The following SLAMF7 variants were observed in gnomAD, a reference collection of about 807,000 sequenced individuals.
SLAMF7 encodes SLAM family member 7.
SLAMF7 carries 26 observed loss-of-function variants against 34.1 expected under a neutral mutation model. That is an observed-to-expected ratio of 0.76 (90% CI 0.56 to 1.06). The LOEUF (loss-of-function observed/expected upper bound fraction) is 1.06. SLAMF7 is among the 50% of genes least tolerant of loss of function. The pLI, the probability that SLAMF7 is intolerant of heterozygous loss-of-function variation, is 0.00. For synonymous variants in SLAMF7, 171 were observed against 156.4 expected (o/e 1.09, Z -0.70); for missense variants, 399 against 402.5 (o/e 0.99, Z 0.07).
chr1:160,748,387 C>T lies in SLAMF7; in HGVS notation c.249C>T (p.Phe83=). Residue 83 remains phenylalanine, a synonymous_variant, in exon 2 of 7, where the codon TTC becomes TTT. Transcript: ENST00000368043. The part of the protein sequence containing the change: ...TQNRNRERVD[F]PDGGYSLKLS... ...ATCGTAATAGGGAGAGAGTAGACTT[C>T]CCAGATGGAGGCTACTCCCTGAAGC... 1 of 1,614,054 alleles carries T rather than the reference C, an allele frequency of 6.2e-7. No individual in the cohort carries two copies. The highest frequency in any genetic ancestry group is 8.5e-7 in the Non-Finnish European group (1 of 1,179,970).
At chr1:160,740,955 C>T (rs535622) in intron 1 of SLAMF7, among the ~76,000 whole-genome samples, 42,485 of 152,064 alleles carry the variant, frequency 0.28, 7,587 homozygotes, top group East Asian at 0.59. Flanking sequence ...CATAACAAGC[C>T]GTCTATCACT....
At chr1:160,741,983 A>G (rs1663784033) in intron 1 of SLAMF7, among the ~76,000 whole-genome samples, 1 of 152,144 alleles carries the variant, frequency 6.6e-6, no homozygotes, top group Admixed American at 6.5e-5. Flanking sequence ...ATTTGGACAG[A>G]GGCACCAAGT....
intron 1 of SLAMF7, among the ~76,000 whole-genome samples, chr1:160,747,564 C>T (rs181183898): frequency 9.9e-5 from 15 of 152,222 alleles, no homozygotes; most frequent in African/African-American, 3.4e-4. Flanking sequence ...CCTGGACTCC[C>T]AGCTACTCAG....
At chr1:160,740,022 C>T (rs1663602881) in intron 1 of SLAMF7, among the ~76,000 whole-genome samples, 1 of 152,038 alleles carries the variant, frequency 6.6e-6, no homozygotes, top group Non-Finnish European at 1.5e-5. Flanking sequence ...TGAGAAATAT[C>T]TCTTCTGTCA....
At chr1:160,741,582 G>T (rs1207999949) in intron 1 of SLAMF7, among the ~76,000 whole-genome samples, 2 of 151,930 alleles carry the variant, frequency 1.3e-5, no homozygotes, top group African/African-American at 4.8e-5. Flanking sequence ...TAAATCCATG[G>T]TTTCCTTTTA....
At chr1:160,739,102 G>A (rs563163477), upstream of SLAMF7, 4 of 615,594 alleles carry the variant, frequency 6.5e-6, 1 homozygote, top group East Asian at 5.8e-5. Flanking sequence ...ATGAAGATGG[G>A]GAGCAAATAG....
chr1:160,750,584 C>T, intron 4 of SLAMF7, 161 bp downstream of exon 4: 1 of 813,004 alleles, frequency 1.2e-6, no homozygotes, highest in Non-Finnish European at 1.9e-6. Flanking sequence ...TACAGTCAGC[C>T]TGTGCTCCTT....
Position 160,747,943 on chromosome 1 carries a change from T to A in SLAMF7, c.56-251T>A, listed in dbSNP as rs111265864. Reference sequence around the variant, plus strand: ...CCACATAATCAGTGATGATTTTTTATAAGTCATACTCTCTGGGAGTGAACT... The same window carrying A: ...CCACATAATCAGTGATGATTTTTTAAAAGTCATACTCTCTGGGAGTGAACT... On this transcript the variant is annotated intron_variant, in intron 1 of 6. Transcript: ENST00000368043. 3.6e-3 allele frequency among the ~76,000 whole-genome samples: 545 copies of A among 152,312 alleles called. 4 individuals carry two copies. The highest frequency in any genetic ancestry group is 0.013 in the African/African-American group (521 of 41,554).
chr1:160,746,902 G>A (rs1334913006), intron 1 of SLAMF7, among the ~76,000 whole-genome samples: 3 of 152,178 alleles, frequency 2.0e-5, no homozygotes, highest in Admixed American at 6.5e-5. Flanking sequence ...TGTCTCATTA[G>A]CATCTTAAAT....
intron 5 of SLAMF7, 22 bp downstream of exon 5, chr1:160,751,470 C>G (rs1247224722): frequency 6.4e-7 from 1 of 1,566,038 alleles, no homozygotes; most frequent in Non-Finnish European, 8.8e-7. Flanking sequence ...CTCATCTTTC[C>G]TGAGAACTGA....
intron 2 of SLAMF7, 64 bp downstream of exon 2, chr1:160,748,578 A>T: frequency 6.9e-7 from 1 of 1,448,806 alleles, no homozygotes; most frequent in Non-Finnish European, 9.5e-7. Flanking sequence ...CCTTGACATG[A>T]GAGATGTTTA....
Position 160,751,466 on chromosome 1 carries a change from T to C in SLAMF7, c.873+18T>C, listed in dbSNP as rs1664577872. On this transcript the variant is annotated intron_variant, in intron 5 of 6. Transcript: ENST00000368043. ...ACACTAATGTGAGTCCCTTCTCATC[T>C]TTCCTGAGAACTGATCCTGTCTCTG... 6.3e-7 allele frequency: 1 copy of C among 1,580,136 alleles called. No homozygotes were observed. The highest frequency in any genetic ancestry group is 1.1e-5 in the South Asian group (1 of 90,416).
chr1:160,741,991 A>T (rs1295052055), intron 1 of SLAMF7, among the ~76,000 whole-genome samples: 2 of 152,118 alleles, frequency 1.3e-5, no homozygotes, highest in Non-Finnish European at 2.9e-5. Context: ...AGAGGCACCA[A>T]GTGTTCAGAG....
intron 1 of SLAMF7, 174 bp downstream of exon 1, chr1:160,739,530 A>G: frequency 1.8e-6 from 1 of 569,596 alleles, no homozygotes; most frequent in Admixed American, 3.6e-5. Context: ...GAGACTAGAG[A>G]GAGGGGGAAA....
intron 1 of SLAMF7, among the ~76,000 whole-genome samples, chr1:160,742,650 C>A (rs1271605097): frequency 6.6e-6 from 1 of 152,196 alleles, no homozygotes; most frequent in East Asian, 1.9e-4. Flanking sequence ...TTATTTATTT[C>A]TCGTATGAGG....
Position 160,752,257 on chromosome 1 carries a change from C to A in SLAMF7, c.936+9C>A. On this transcript the variant is annotated intron_variant, in intron 6 of 6. Transcript: ENST00000368043. ...TGGAAATACCGAAAAAGGTAAGAAG[C>A]TTTAGAGCTTAACTTCATCTTAATG... 2 of 1,609,052 alleles carry A rather than the reference C, an allele frequency of 1.2e-6. No individual in the cohort carries two copies. Among genetic ancestry groups the A allele is most frequent in the Non-Finnish European group, 1.7e-6 (2 of 1,175,762 alleles).
At chr1:160,746,485 A>G (rs576278364) in intron 1 of SLAMF7, among the ~76,000 whole-genome samples, 1 of 152,300 alleles carries the variant, frequency 6.6e-6, no homozygotes, top group South Asian at 2.1e-4. Flanking sequence ...CTGACACTTT[A>G]TGTTAAGAGG....
chr1:160,742,307 G>T (rs1663810476), intron 1 of SLAMF7, among the ~76,000 whole-genome samples: 1 of 152,164 alleles, frequency 6.6e-6, no homozygotes, highest in Admixed American at 6.5e-5. Flanking sequence ...TGGGGCAAAA[G>T]ACAAAGGGTC....
At chr1:160,751,580 C>T (rs1664590056) in intron 5 of SLAMF7, 132 bp downstream of exon 5, 1 of 668,644 alleles carries the variant, frequency 1.5e-6, no homozygotes. Context: ...ACTCAATGCA[C>T]CTGTGCCTCC....
Sources: gnomAD v4.1 joint callset for allele counts (sites outside exome capture counted in the v4.1 genomes callset) on GRCh38, gnomAD v4.1.1 for gene constraint, MANE v1.5 for transcripts, NCBI Gene and HGNC (gene_info 2026-07-23, HGNC 2026-07-21) for gene names.